Variants in LNX1 observed in about 807,000 individuals in gnomAD.
LNX1 encodes the protein E3 ubiquitin-protein ligase LNX.
LNX1 carries 54 observed loss-of-function variants against 68.4 expected under a neutral mutation model. That is an observed-to-expected ratio of 0.79 (90% CI 0.63 to 0.99). The LOEUF is 0.99. Ranked by LOEUF, LNX1 falls within the 50% of genes least tolerant of loss-of-function variation. The pLI, the probability that LNX1 is intolerant of heterozygous loss-of-function variation, is 0.00. For synonymous variants in LNX1, 336 were observed against 350.0 expected (o/e 0.96, Z 0.45); for missense variants, 906 against 926.4 (o/e 0.98, Z 0.29).
intron 2 of LNX1, among the ~76,000 whole-genome samples, chr4:53,614,233 C>G (rs1431454286): frequency 4.6e-5 from 7 of 152,072 alleles, no homozygotes; most frequent in Non-Finnish European, 8.8e-5. Flanking sequence ...CATTTGCCAC[C>G]CTGTCCCTAC....
upstream of LNX1, chr4:53,591,582 C>G (rs1346217115): frequency 4.1e-6 from 4 of 985,290 alleles, no homozygotes; most frequent in Non-Finnish European, 4.8e-6. Flanking sequence ...GAAGCCCCGA[C>G]AGATAAAGCA....
At chr4:53,541,198 G>A (rs543530006) in intron 2 of LNX1, among the ~76,000 whole-genome samples, 8 of 151,856 alleles carry the variant, frequency 5.3e-5, no homozygotes, top group African/African-American at 9.6e-5. Flanking sequence ...GCAGGAATGC[G>A]TTCTGTGATT....
chr4:53,548,830 A>G (rs535261785), intron 2 of LNX1, among the ~76,000 whole-genome samples: 270 of 152,356 alleles, frequency 1.8e-3, no homozygotes, highest in Non-Finnish European at 2.7e-3. Context: ...TATACCATGG[A>G]ATACTATGCA....
intron 2 of LNX1, chr4:53,557,724 CGTTTTAAACTGCTGGCAGGGT>C: frequency 1.2e-6 from 1 of 803,012 alleles, no homozygotes; most frequent in Non-Finnish European, 1.9e-6. Context: ...CTAAGCATGC[CGTTTTAAACTGCTGGCAGGGT>C]GCTTTGTCCA....
At chr4:53,554,418 A>G (rs1310788780) in intron 2 of LNX1, among the ~76,000 whole-genome samples, 1 of 152,252 alleles carries the variant, frequency 6.6e-6, no homozygotes, top group Non-Finnish European at 1.5e-5. Flanking sequence ...AGGCATGCCT[A>G]AGTGATCTGC....
At chr4:53,543,106 C>T (rs1728873775) in intron 2 of LNX1, among the ~76,000 whole-genome samples, 2 of 152,220 alleles carry the variant, frequency 1.3e-5, no homozygotes, top group South Asian at 2.1e-4. Flanking sequence ...AACAATTCTC[C>T]TGCCTCAGCC....
At chr4:53,543,020 G>A (rs1728868522) in intron 2 of LNX1, among the ~76,000 whole-genome samples, 1 of 152,164 alleles carries the variant, frequency 6.6e-6, no homozygotes, top group African/African-American at 2.4e-5. Context: ...AGATTGTCCT[G>A]TCTGCTACTT....
intron 6 of LNX1, among the ~76,000 whole-genome samples, chr4:53,489,116 T>C (rs1724515742): frequency 6.6e-6 from 1 of 152,176 alleles, no homozygotes; most frequent in African/African-American, 2.4e-5. Flanking sequence ...GAAAAGTGCC[T>C]GATATATTAT....
intron 1 of LNX1, among the ~76,000 whole-genome samples, chr4:53,577,648 C>A (rs562833690): frequency 6.6e-6 from 1 of 152,174 alleles, no homozygotes; most frequent in East Asian, 1.9e-4. Flanking sequence ...CTCCTGGCCT[C>A]AAGCAATCCT....
intron 7 of LNX1, among the ~76,000 whole-genome samples, chr4:53,480,984 C>T (rs1267793618): frequency 2.0e-5 from 3 of 152,114 alleles, no homozygotes; most frequent in East Asian, 3.9e-4. Context: ...CAAGCCAAAG[C>T]TATAGGACTC....
chr4:53,633,967 C>G (rs1242169532), intron 1 of LNX1, among the ~76,000 whole-genome samples: 6 of 152,284 alleles, frequency 3.9e-5, no homozygotes, highest in Non-Finnish European at 8.8e-5. Context: ...AGCACCCACA[C>G]CCAGTGCAGA....
At chr4:53,548,093 A>G (rs1729232716) in intron 2 of LNX1, among the ~76,000 whole-genome samples, 1 of 151,162 alleles carries the variant, frequency 6.6e-6, no homozygotes, top group African/African-American at 2.4e-5. Context: ...GCGTGGGGCC[A>G]CATGAGCACA....
At chr4:53,570,537 A>G (rs1166476474) in intron 2 of LNX1, among the ~76,000 whole-genome samples, 1 of 119,612 alleles carries the variant, frequency 8.4e-6, no homozygotes, top group African/African-American at 3.1e-5. Flanking sequence ...GGGGGGAGGG[A>G]TAGCATTGGG....
At chr4:53,546,643 C>T (rs1577693216) in intron 2 of LNX1, among the ~76,000 whole-genome samples, 2 of 152,186 alleles carry the variant, frequency 1.3e-5, no homozygotes, top group African/African-American at 4.8e-5. Flanking sequence ...TAGACTAAAT[C>T]ATCTCCAAGC....
intron 2 of LNX1, among the ~76,000 whole-genome samples, chr4:53,550,400 A>G (rs1164828885): frequency 1.3e-5 from 2 of 152,174 alleles, no homozygotes; most frequent in Admixed American, 6.5e-5. Flanking sequence ...TCCAAATTCT[A>G]CTTCAGATGC....
At position 53,540,245 on chromosome 4, in the gene LNX1, T is replaced by A. The variant is rs1188162901; in HGVS notation, c.381-32018A>T. On this transcript the variant is annotated intron_variant, in intron 2 of 10. Transcript: ENST00000263925. ...AAAAAATACAAAAATTAGCCAGGCA[T>A]GGGGGCGTGCACCTGTAGTCCCAGC... 3.3e-5 allele frequency among the ~76,000 whole-genome samples: 5 copies of A among 151,946 alleles called. No individual in the cohort carries two copies. In the South Asian group the frequency reaches 1.0e-3, roughly 32 times the overall value.
chr4:53,551,307 A>G (rs181770761), intron 2 of LNX1, among the ~76,000 whole-genome samples: 1,600 of 152,296 alleles, frequency 0.011, 13 homozygotes, highest in Admixed American at 0.016. Context: ...GGCAACCATC[A>G]GGTGATGGTC....
At chr4:53,497,880 C>G (rs1281072406) in intron 5 of LNX1, among the ~76,000 whole-genome samples, 1 of 152,220 alleles carries the variant, frequency 6.6e-6, no homozygotes, top group African/African-American at 2.4e-5. Flanking sequence ...AGGAGCCGGT[C>G]CCTCAGCAAC....
chr4:53,627,926 C>T (rs1214401394), intron 1 of LNX1, among the ~76,000 whole-genome samples: 1 of 152,070 alleles, frequency 6.6e-6, no homozygotes, highest in Non-Finnish European at 1.5e-5. Flanking sequence ...TCAAGTGGGC[C>T]CTGGATTTAC....
Sources: allele counts gnomAD v4.1 joint callset (sites outside exome capture counted in the v4.1 genomes callset), GRCh38; gene constraint gnomAD v4.1.1; transcripts MANE v1.5; gene names NCBI Gene and HGNC (gene_info 2026-07-23, HGNC 2026-07-21).